The following BTBD2 variants were observed in gnomAD, a reference collection of about 807,000 sequenced individuals.
BTBD2 encodes the protein BTB/POZ domain-containing protein 2.
BTBD2 carries 15 observed loss-of-function variants against 44.0 expected under a neutral mutation model. The ratio of observed to expected loss-of-function variants is 0.34; its 90% CI spans 0.23 to 0.53. The LOEUF (loss-of-function observed/expected upper bound fraction) is 0.53, where lower values mean the gene tolerates loss of function less well. Ranked by LOEUF, BTBD2 falls within the 20% of genes least tolerant of loss-of-function variation. The pLI, the probability that BTBD2 is intolerant of heterozygous loss-of-function variation, is 0.95. For synonymous variants in BTBD2, 443 were observed against 335.9 expected (o/e 1.32, Z -3.49); for missense variants, 657 against 746.4 (o/e 0.88, Z 1.39).
In BTBD2 at chr19:1,986,524, C is replaced by A; in HGVS notation, c.1542G>T (p.Glu514Asp). The change falls in exon 9 of 9, where the codon GAG (glutamate) becomes GAT (aspartate). Residue 514 changes from glutamate to aspartate, a missense_variant. Physicochemically the swap from Glu to Asp is conservative, Grantham distance 45 (BLOSUM62 2). Coordinates refer to ENST00000255608, the MANE Select transcript of BTBD2 (RefSeq NM_017797.4). Reference sequence around the variant, plus strand: ...AGATGACCTCGGGGATCTGGCCGTCCTCCACGGATGTGCCATTGTTGTTCC... The same window carrying A: ...AGATGACCTCGGGGATCTGGCCGTCATCCACGGATGTGCCATTGTTGTTCC... ...AAGNNNGTSV[E>D]DGQIPEVIFY... The A allele has an allele frequency of 6.2e-7, 1 of 1,614,038 alleles. No individual in the cohort carries two copies. The highest frequency in any genetic ancestry group is 8.5e-7 in the Non-Finnish European group (1 of 1,179,960).
In BTBD2 at chr19:2,004,848, G is replaced by A. The variant is rs183417161; in HGVS notation, c.408-7385C>T. ...AAATTATTATTTTTTTTTAGATGGA[G>A]TCTTGCTCTGTCACCCAGGCTGGAG... On this transcript the variant is annotated intron_variant, in intron 1 of 8. Transcript: ENST00000255608. Among the ~76,000 whole-genome samples the A allele has an allele frequency of 8.8e-3, 1,333 of 151,714 alleles. 13 individuals carry two copies. The highest frequency in any genetic ancestry group is 0.03 in the African/African-American group (1,245 of 41,352).
At chr19:2,000,205 G>C (rs1038592351) in intron 1 of BTBD2, among the ~76,000 whole-genome samples, 13 of 152,068 alleles carry the variant, frequency 8.5e-5, no homozygotes, top group Non-Finnish European at 1.5e-4. Context: ...CCCCCAGTGT[G>C]TGGGCATTGG....
intron 2 of BTBD2, among the ~76,000 whole-genome samples, chr19:1,993,767 G>A (rs957137297): frequency 2.0e-5 from 3 of 151,386 alleles, no homozygotes; most frequent in South Asian, 2.1e-4. Flanking sequence ...AGGCTGAGGC[G>A]GGCAGATCGC....
intron 1 of BTBD2, among the ~76,000 whole-genome samples, chr19:2,006,263 C>T (rs1472647696): frequency 2.0e-5 from 3 of 152,126 alleles, no homozygotes; most frequent in South Asian, 2.1e-4. Flanking sequence ...TAGTATTGGA[C>T]AGCACACATC....
intron 1 of BTBD2, among the ~76,000 whole-genome samples, chr19:2,009,512 C>G (rs1333466658): frequency 6.6e-6 from 1 of 150,976 alleles, no homozygotes; most frequent in Non-Finnish European, 1.5e-5. Context: ...TGTTCTACTT[C>G]TAGACCTCGC....
chr19:2,001,167 C>T (rs2016325362), intron 1 of BTBD2, among the ~76,000 whole-genome samples: 1 of 151,972 alleles, frequency 6.6e-6, no homozygotes, highest in African/African-American at 2.4e-5. Context: ...ACCTGTAGTC[C>T]CAGCTACTCA....
chr19:1,985,882 C>G lies in BTBD2; in HGVS notation c.*606G>C, dbSNP rs937212072. The G allele has an allele frequency of 6.5e-6, 1 of 153,410 alleles. No individual in the cohort carries two copies. The highest frequency in any genetic ancestry group is 2.1e-4 in the South Asian group (1 of 4,874). The allele number at this position is 153,410 out of a possible 1,614,324, so 9.5% of individuals were successfully genotyped here. ...CACCTGGGCCAGGGCTAGGCCTATC[C>G]GGCAGGGGCCGTCCCCACACTGAAT... On this transcript the variant is annotated 3_prime_UTR_variant, in exon 9 of 9. Coordinates refer to ENST00000255608, the MANE Select transcript of BTBD2 (RefSeq NM_017797.4).
intron 5 of BTBD2, 156 bp downstream of exon 5, chr19:1,989,848 G>A: frequency 1.2e-6 from 1 of 813,720 alleles, no homozygotes; most frequent in East Asian, 2.7e-5. Context: ...TGGCCCTGTG[G>A]ACGCGTCCTC....
At position 1,990,316 on chromosome 19, in the gene BTBD2, G is replaced by A. The variant is rs775381775; in HGVS notation, c.791-115C>T. 2.7e-5 allele frequency: 31 copies of A among 1,159,192 alleles called. 1 individual carries two copies. Among genetic ancestry groups the A allele is most frequent in the South Asian group, 2.0e-4 (14 of 68,984 alleles). The allele number at this position is 1,159,192 out of a possible 1,614,324, so 71.8% of individuals were successfully genotyped here. A position where few individuals can be genotyped will look rare whatever the true frequency, so the allele number is the denominator to read the frequency against. On this transcript the variant is annotated intron_variant, in intron 4 of 8. Transcript: ENST00000255608. ...AAAGCCGGGCTGGCAACTATGGCCC[G>A]TGGCCCAAATCTGGCCCTGTGAGTG... is the stretch of plus-strand genomic sequence containing the variant.
intron 1 of BTBD2, among the ~76,000 whole-genome samples, chr19:2,000,029 G>A (rs2016308543): frequency 6.6e-6 from 1 of 152,180 alleles, no homozygotes; most frequent in Non-Finnish European, 1.5e-5. Flanking sequence ...ATGAAGCAGG[G>A]ACTGGAGCGA....
chr19:1,998,737 G>A (rs2016285087), intron 1 of BTBD2, among the ~76,000 whole-genome samples: 1 of 152,110 alleles, frequency 6.6e-6, no homozygotes, highest in Non-Finnish European at 1.5e-5. Flanking sequence ...CCACACGATG[G>A]CCTCCCAGGG....
chr19:1,997,891 TTCAC>T (rs1188633147), intron 1 of BTBD2, among the ~76,000 whole-genome samples: 52 of 152,210 alleles, frequency 3.4e-4, no homozygotes, highest in East Asian at 1.5e-3. Context: ...CAGGCGTTCA[TTCAC>T]TCATTCATTC....
At chr19:1,998,679 G>C (rs1599354362) in intron 1 of BTBD2, among the ~76,000 whole-genome samples, 1 of 152,094 alleles carries the variant, frequency 6.6e-6, no homozygotes, top group Non-Finnish European at 1.5e-5. Flanking sequence ...CGGCTCCCAG[G>C]CTCAAGACGC....
intron 1 of BTBD2, chr19:2,013,703 C>T (rs1344628796): frequency 3.1e-5 from 30 of 978,032 alleles, no homozygotes; most frequent in Middle Eastern, 5.2e-4. Context: ...GACTGCAGGG[C>T]GGGCAGGGGG....
chr19:1,999,795 C>G (rs1270964550), intron 1 of BTBD2, among the ~76,000 whole-genome samples: 1 of 151,926 alleles, frequency 6.6e-6, no homozygotes, highest in Non-Finnish European at 1.5e-5. Flanking sequence ...AACCCCGTCT[C>G]TACTAAAAAT....
At chr19:2,010,462 A>G (rs959009252) in intron 1 of BTBD2, among the ~76,000 whole-genome samples, 12 of 152,010 alleles carry the variant, frequency 7.9e-5, no homozygotes, top group African/African-American at 2.9e-4. Context: ...GGCCACCACC[A>G]AGGCCTGCTC....
intron 2 of BTBD2, among the ~76,000 whole-genome samples, chr19:1,994,947 T>G (rs959947643): frequency 6.6e-6 from 1 of 152,110 alleles, no homozygotes; most frequent in Non-Finnish European, 1.5e-5. Flanking sequence ...CCCAATGTCA[T>G]GAAGATTTGA....
Position 2,015,574 on chromosome 19 carries a change from CGGCG to C in BTBD2, c.126_129del (p.Ala43ProfsTer147), listed in dbSNP as rs1568225504. On this transcript the variant is annotated frameshift_variant, in exon 1 of 9. Coordinates refer to ENST00000255608, the MANE Select transcript of BTBD2 (RefSeq NM_017797.4). LOFTEE classifies it high-confidence loss of function. ...GCGGCGGCGGCGGCGGCGGCGGCGG[CGGCG>C]GCCGCGTTGCCGGGGGCCGGGGTGG... 114 of 782,720 alleles carry C rather than the reference CGGCG, an allele frequency of 1.5e-4. No individual in the cohort carries two copies. Among genetic ancestry groups the C allele is most frequent in the Middle Eastern group, 6.6e-4 (1 of 1,514 alleles). The allele number at this position is 782,720 out of a possible 1,614,324, so 48.5% of individuals were successfully genotyped here.
At chr19:1,987,913 T>C in intron 5 of BTBD2, 1 of 563,040 alleles carries the variant, frequency 1.8e-6, no homozygotes, top group Non-Finnish European at 3.1e-6. Context: ...ACAGATACGC[T>C]CACTCAGGGG....
Sources: gnomAD v4.1 joint callset for allele counts (sites outside exome capture counted in the v4.1 genomes callset) on GRCh38, gnomAD v4.1.1 for gene constraint, MANE v1.5 for transcripts, NCBI Gene and HGNC (gene_info 2026-07-23, HGNC 2026-07-21) for gene names.